The following SLC22A14 variants were observed in gnomAD, a reference collection of about 807,000 sequenced individuals.
SLC22A14 encodes the protein solute carrier family 22 member 14, also known as organic cation transporter-like 4.
SLC22A14 carries 50 observed loss-of-function variants against 53.9 expected under a neutral mutation model. The observed-to-expected ratio is 0.93, with a 90% CI of 0.74 to 1.17. SLC22A14 has a LOEUF of 1.17. Among genes scored for constraint, SLC22A14 ranks in the 50% most tolerant of loss-of-function variants. SLC22A14 has a pLI of 0.00. For synonymous variants in SLC22A14, 312 were observed against 303.0 expected, an observed-to-expected ratio of 1.03 and a Z score of -0.31; for missense variants, 671 against 734.7, an observed-to-expected ratio of 0.91 and a Z score of 1.00.
At chr3:38,316,831 C>T (rs1184526104) in intron 10 of SLC22A14, among the ~76,000 whole-genome samples, 1 of 152,244 alleles carries the variant, frequency 6.6e-6, no homozygotes, top group African/African-American at 2.4e-5. Context: ...TCCAGGGGCA[C>T]TCCTCCCAGA....
At chr3:38,289,555 G>A (rs1192242935) in intron 1 of SLC22A14, among the ~76,000 whole-genome samples, 1 of 152,224 alleles carries the variant, frequency 6.6e-6, no homozygotes, top group Non-Finnish European at 1.5e-5. Context: ...GGGCCATGCG[G>A]TGAATGTTAT....
At chr3:38,308,014 T>A (rs1335082150) in intron 4 of SLC22A14, 2 of 458,150 alleles carry the variant, frequency 4.4e-6, no homozygotes, top group Non-Finnish European at 8.0e-6. Context: ...ACCTTCATCC[T>A]CCTTCCTAAC....
intron 1 of SLC22A14, among the ~76,000 whole-genome samples, chr3:38,299,416 A>G (rs942494681): frequency 6.6e-6 from 1 of 152,156 alleles, no homozygotes; most frequent in Non-Finnish European, 1.5e-5. Flanking sequence ...GAGCAGATAC[A>G]TGTATATTCT....
At position 38,313,827 on chromosome 3, in the gene SLC22A14, C is replaced by A. The variant is rs1053539207; in HGVS notation, c.1264C>A (p.Pro422Thr). ...CGTGGTCCCCAGCATCATGGAGGTG[C>A]CTGCCCGGCTGTGCTGCATCTTTCT... is the stretch of plus-strand genomic sequence containing the variant. The part of the protein sequence containing the change: ...RHVVPSIMEV[P>T]ARLCCIFLLQ... Residue 422 changes from proline (P) to threonine (T), a missense_variant, in exon 8 of 11, where the codon CCT (proline) becomes ACT (threonine). Coordinates refer to ENST00000448498, the MANE Select transcript of SLC22A14 (RefSeq NM_001320033.2). The A allele has an allele frequency of 3.1e-6, 5 of 1,614,020 alleles. No homozygotes were observed. Among genetic ancestry groups the A allele is most frequent in the Non-Finnish European group, 4.2e-6 (5 of 1,179,950 alleles).
chr3:38,317,491 A>C (rs930505177), intron 10 of SLC22A14, among the ~76,000 whole-genome samples: 3 of 152,222 alleles, frequency 2.0e-5, no homozygotes, highest in African/African-American at 7.2e-5. Flanking sequence ...AAAATGTCAC[A>C]GTGACAACTG....
At chr3:38,291,944 G>C (rs1279232654) in intron 1 of SLC22A14, among the ~76,000 whole-genome samples, 5 of 152,222 alleles carry the variant, frequency 3.3e-5, no homozygotes, top group African/African-American at 9.6e-5. Context: ...TTAGGGTTTT[G>C]GGATGAGGAA....
chr3:38,316,478 C>T lies in SLC22A14; in HGVS notation c.1687C>T (p.Arg563Ter), dbSNP rs770289592. ...CCTCTCCTCCCTGCTGCCGGAAACG[C>T]GAGATCAGCCCCTCTCCGAGAGCCT... Reference protein sequence around the residue: ...FSLSSLLPETRDQPLSESLNH... With the variant: ...FSLSSLLPET Residue 563 changes from arginine (R) to a stop codon, truncating the protein, a stop_gained, in exon 10 of 11, where the codon CGA becomes TGA. Coordinates refer to ENST00000448498, the MANE Select transcript of SLC22A14 (RefSeq NM_001320033.2). LOFTEE classifies it low-confidence loss of function (END_TRUNC). 4.2e-5 allele frequency: 68 copies of T among 1,613,994 alleles called. No individual in the cohort carries two copies. The highest frequency in any genetic ancestry group is 8.9e-5 in the East Asian group (4 of 44,866).
chr3:38,313,047 G>A lies in SLC22A14; in HGVS notation c.993G>A (p.Lys331=). The A allele has an allele frequency of 1.3e-6, 2 of 1,596,884 alleles. No individual in the cohort carries two copies. Among genetic ancestry groups the A allele is most frequent in the South Asian group, 1.1e-5 (1 of 87,780 alleles). The change falls in exon 6 of 11, where the codon AAG becomes AAA. Residue 331 remains lysine (K), a synonymous_variant. Coordinates refer to ENST00000448498, the MANE Select transcript of SLC22A14 (RefSeq NM_001320033.2). Reference sequence around the variant, plus strand: ...GGCTGATGATGAAAGGGAAGGTGAAGGAGGCCAAGCAGGTGCTGTGCTACG... The same window carrying A: ...GGCTGATGATGAAAGGGAAGGTGAAAGAGGCCAAGCAGGTGCTGTGCTACG... ...PRWLMMKGKV[K]EAKQVLCYAA... is the part of the protein sequence containing the mutation.
chr3:38,306,657 G>A (rs936469903), intron 2 of SLC22A14, 115 bp downstream of exon 2: 23 of 1,030,778 alleles, frequency 2.2e-5, no homozygotes, highest in Admixed American at 4.5e-5. Context: ...ATTGGCCTGA[G>A]GTCAACCTGC....
At chr3:38,304,404 T>C (rs1169073493) in intron 1 of SLC22A14, among the ~76,000 whole-genome samples, 2 of 152,120 alleles carry the variant, frequency 1.3e-5, no homozygotes, top group African/African-American at 4.8e-5. Flanking sequence ...TCTTCTTTTT[T>C]TGAGACAGGG....
intron 5 of SLC22A14, among the ~76,000 whole-genome samples, chr3:38,311,591 C>A (rs949929654): frequency 1.3e-5 from 2 of 151,998 alleles, no homozygotes; most frequent in Non-Finnish European, 2.9e-5. Flanking sequence ...AGAAGCCATA[C>A]CACACCCTCA....
intron 10 of SLC22A14, among the ~76,000 whole-genome samples, chr3:38,317,088 C>T (rs529474684): frequency 4.6e-5 from 7 of 152,346 alleles, no homozygotes; most frequent in African/African-American, 1.7e-4. Flanking sequence ...TCATGATTGG[C>T]AGGACCATTC....
At chr3:38,296,894 C>T (rs547672747) in intron 1 of SLC22A14, among the ~76,000 whole-genome samples, 2 of 152,268 alleles carry the variant, frequency 1.3e-5, no homozygotes, top group Admixed American at 6.5e-5. Flanking sequence ...CTGCCAGATT[C>T]GGAGGGGTGG....
chr3:38,309,713 A>G (rs1263623005), intron 5 of SLC22A14, among the ~76,000 whole-genome samples: 2 of 152,160 alleles, frequency 1.3e-5, no homozygotes, highest in African/African-American at 4.8e-5. Context: ...AACAAAAGTG[A>G]GATGCCAAAA....
chr3:38,302,918 T>G (rs1704203259), intron 1 of SLC22A14, among the ~76,000 whole-genome samples: 1 of 152,198 alleles, frequency 6.6e-6, no homozygotes, highest in Non-Finnish European at 1.5e-5. Flanking sequence ...TACTTTAATT[T>G]AGTCATTATA....
chr3:38,291,176 A>G (rs1703905470), intron 1 of SLC22A14, among the ~76,000 whole-genome samples: 1 of 152,206 alleles, frequency 6.6e-6, no homozygotes, highest in Non-Finnish European at 1.5e-5. Context: ...ACTTTCAAGT[A>G]TTTAATTATT....
intron 1 of SLC22A14, among the ~76,000 whole-genome samples, 183 bp downstream of exon 1, chr3:38,282,522 C>T (rs1273852382): frequency 6.6e-6 from 1 of 152,168 alleles, no homozygotes; most frequent in African/African-American, 2.4e-5. Flanking sequence ...GCTGCCCTCC[C>T]AGAAAGCGTG....
intron 1 of SLC22A14, among the ~76,000 whole-genome samples, chr3:38,287,837 C>T (rs1226427514): frequency 6.6e-6 from 1 of 152,068 alleles, no homozygotes; most frequent in Non-Finnish European, 1.5e-5. Flanking sequence ...CATGAGATAG[C>T]TCTACATTTA....
intron 10 of SLC22A14, among the ~76,000 whole-genome samples, chr3:38,317,047 G>C (rs1170643452): frequency 6.6e-6 from 1 of 152,242 alleles, no homozygotes. Flanking sequence ...TCCGGCCTCT[G>C]ATCTCCCAGG....
Sources: gnomAD v4.1 joint callset for allele counts (sites outside exome capture counted in the v4.1 genomes callset) on GRCh38, gnomAD v4.1.1 for gene constraint, MANE v1.5 for transcripts, NCBI Gene and HGNC (gene_info 2026-07-23, HGNC 2026-07-21) for gene names.